Variants in PCDH15 observed in about 807,000 individuals in gnomAD.
PCDH15 encodes the protein protocadherin related 15, also known as protocadherin-15.
PCDH15 carries 129 observed loss-of-function variants against 178.5 expected under a neutral mutation model. The ratio of observed to expected loss-of-function variants is 0.72; its 90% CI spans 0.63 to 0.84. The LOEUF is 0.84. Among genes scored for constraint, PCDH15 ranks in the 40% least tolerant of loss-of-function variants. The pLI, the probability that PCDH15 is intolerant of heterozygous loss-of-function variation, is 0.00. For synonymous variants in PCDH15, 800 were observed against 732.0 expected, an observed-to-expected ratio of 1.09 and a Z score of -1.50; for missense variants, 2,230 against 2,099.9, an observed-to-expected ratio of 1.06 and a Z score of -1.21.
intron 9 of PCDH15, among the ~76,000 whole-genome samples, chr10:54,217,774 A>G (rs1341476354): frequency 6.6e-6 from 1 of 152,210 alleles, no homozygotes; most frequent in African/African-American, 2.4e-5. Context: ...AGCACTTAAG[A>G]TTTCTGAGAG....
At chr10:54,138,279 T>C (rs2043069363) in intron 14 of PCDH15, among the ~76,000 whole-genome samples, 1 of 151,984 alleles carries the variant, frequency 6.6e-6, no homozygotes, top group Admixed American at 6.6e-5. Flanking sequence ...TGTGTATCTT[T>C]TGTGGGACTA....
intron 1 of PCDH15, among the ~76,000 whole-genome samples, chr10:55,221,928 T>G (rs1483177876): frequency 6.6e-6 from 1 of 151,340 alleles, no homozygotes; most frequent in African/African-American, 2.4e-5. Flanking sequence ...GTGCAGTGGC[T>G]TGATCTCAGC....
intron 9 of PCDH15, among the ~76,000 whole-genome samples, chr10:54,226,528 A>G (rs2053469076): frequency 6.6e-6 from 1 of 152,156 alleles, no homozygotes; most frequent in Non-Finnish European, 1.5e-5. Flanking sequence ...GTGAGATCCC[A>G]TCTCTAGGTG....
At chr10:55,231,997 G>C (rs1332221343) in intron 1 of PCDH15, among the ~76,000 whole-genome samples, 1 of 151,910 alleles carries the variant, frequency 6.6e-6, no homozygotes, top group Admixed American at 6.6e-5. Flanking sequence ...GGTTTACAAA[G>C]AGTTTGTCAA....
chr10:54,169,738 G>A (rs1416514716), intron 13 of PCDH15, among the ~76,000 whole-genome samples: 4 of 151,766 alleles, frequency 2.6e-5, no homozygotes, highest in Middle Eastern at 3.4e-3. Context: ...CCCACTCAAC[G>A]CCGACATCCC....
At chr10:55,001,490 C>T (rs1033578905) in intron 2 of PCDH15, among the ~76,000 whole-genome samples, 1 of 152,126 alleles carries the variant, frequency 6.6e-6, no homozygotes, top group Admixed American at 6.5e-5. Context: ...CATTGGGGCT[C>T]TGTGGTTCCT....
chr10:54,523,252 A>T (rs1008270070), intron 3 of PCDH15, among the ~76,000 whole-genome samples: 3 of 152,296 alleles, frequency 2.0e-5, no homozygotes, highest in Middle Eastern at 3.4e-3. Context: ...TGGATTTTTT[A>T]AAAAAGCACT....
At chr10:54,890,850 G>T (rs967878056) in intron 3 of PCDH15, among the ~76,000 whole-genome samples, 3 of 151,996 alleles carry the variant, frequency 2.0e-5, no homozygotes, top group South Asian at 4.1e-4. Flanking sequence ...AACTCATCTA[G>T]ACCTAAAGTT....
At chr10:54,987,755 T>C (rs987693986) in intron 2 of PCDH15, among the ~76,000 whole-genome samples, 1 of 152,052 alleles carries the variant, frequency 6.6e-6, no homozygotes, top group African/African-American at 2.4e-5. Context: ...AGATTCTGGA[T>C]ATAAGAACTT....
chr10:53,848,876 C>T (rs895440527), intron 28 of PCDH15, among the ~76,000 whole-genome samples: 5 of 151,942 alleles, frequency 3.3e-5, no homozygotes, highest in African/African-American at 1.2e-4. Flanking sequence ...GTATTATTTT[C>T]ATAGTGCAAA....
rs567748225 is a variant in PCDH15 at position 54,563,415 on chromosome 10, CG to C, written c.92-35539del. Reference sequence around the variant, plus strand: ...TAATTGCCTAAGTATCTGGACTTGCCGGGTATCACTGACAACAGGCCCAAAT... The same window carrying C: ...TAATTGCCTAAGTATCTGGACTTGCCGGTATCACTGACAACAGGCCCAAAT... On this transcript the variant is annotated intron_variant, in intron 2 of 37. Coordinates refer to ENST00000644397, the MANE Select transcript of PCDH15 (RefSeq NM_001384140.1). 1.6e-3 allele frequency among the ~76,000 whole-genome samples: 242 copies of C among 152,128 alleles called. 2 individuals are homozygous for C. The highest frequency in any genetic ancestry group is 2.5e-3 in the Non-Finnish European group (173 of 68,012).
intron 8 of PCDH15, among the ~76,000 whole-genome samples, chr10:54,260,728 T>C (rs2057257769): frequency 6.6e-6 from 1 of 152,074 alleles, no homozygotes; most frequent in African/African-American, 2.4e-5. Context: ...CTACTACTAC[T>C]ACTACAGGCA....
intron 30 of PCDH15, 47 bp from the exon 31 acceptor site, chr10:53,828,620 C>G: frequency 1.4e-6 from 2 of 1,425,078 alleles, no homozygotes; most frequent in Non-Finnish European, 2.0e-6. Flanking sequence ...TACATTAGAA[C>G]TATTGCATTA....
chr10:55,580,369 T>A (rs1378520897), intron 2 of PCDH15, among the ~76,000 whole-genome samples: 12 of 150,576 alleles, frequency 8.0e-5, no homozygotes, highest in Admixed American at 3.3e-4. Flanking sequence ...TATTTTTTTT[T>A]TTTTTTGAGA....
chr10:55,299,263 T>C (rs1456583189), intron 1 of PCDH15, among the ~76,000 whole-genome samples: 1 of 152,110 alleles, frequency 6.6e-6, no homozygotes, highest in East Asian at 1.9e-4. Flanking sequence ...ACCCATCAAT[T>C]CTCATGGAGG....
At chr10:54,983,045 A>T (rs1839280613) in intron 2 of PCDH15, among the ~76,000 whole-genome samples, 1 of 152,168 alleles carries the variant, frequency 6.6e-6, no homozygotes, top group Admixed American at 6.5e-5. Context: ...GTTCTGAACA[A>T]TCAAGGAATG....
intron 2 of PCDH15, among the ~76,000 whole-genome samples, chr10:54,611,210 A>G (rs962944381): frequency 6.6e-6 from 1 of 151,822 alleles, no homozygotes; most frequent in African/African-American, 2.4e-5. Flanking sequence ...ATGTGTCTTT[A>G]AACACTATGG....
At chr10:55,056,522 A>G (rs114181219) in intron 2 of PCDH15, among the ~76,000 whole-genome samples, 2,114 of 54,080 alleles carry the variant, frequency 0.039, 49 homozygotes, top group African/African-American at 0.22. Flanking sequence ...TCAAAATCTA[A>G]GTTTCCATTT....
intron 2 of PCDH15, among the ~76,000 whole-genome samples, chr10:55,020,210 T>C (rs998493641): frequency 1.3e-4 from 19 of 151,142 alleles, no homozygotes; most frequent in Middle Eastern, 3.5e-3. Flanking sequence ...GGCACTTTTA[T>C]TGAGCACTTA....
Sources: gnomAD v4.1 joint callset for allele counts (sites outside exome capture counted in the v4.1 genomes callset) on GRCh38, gnomAD v4.1.1 for gene constraint, MANE v1.5 for transcripts, NCBI Gene and HGNC (gene_info 2026-07-23, HGNC 2026-07-21) for gene names.